The following SYNE2 variants were observed in gnomAD, a reference collection of about 807,000 sequenced individuals.
SYNE2 encodes spectrin repeat containing nuclear envelope protein 2, also known as nesprin-2.
Under a neutral mutation model 856.3 loss-of-function variants are expected in SYNE2, and 431 were observed. The observed-to-expected ratio is 0.50, with a 90% CI of 0.47 to 0.55. The LOEUF (loss-of-function observed/expected upper bound fraction) is 0.55, where lower values mean the gene tolerates loss of function less well. SYNE2 is among the 20% of genes least tolerant of loss of function. The pLI is 0.00. For missense variants in SYNE2, 8,129 were observed against 8,023.2 expected (o/e 1.01, Z -0.50); for synonymous variants, 2,923 against 2,872.3 (o/e 1.02, Z -0.56).
In SYNE2 at chr14:63,978,969, A is replaced by G. The variant is rs556718354; in HGVS notation, c.1524A>G (p.Lys508=). ...VKSKLDIWNI[K]YGSRESVELL... ...CAAAATTGGATATTTGGAACATTAAATATGGGAGCAGAGAATCTGTGGAAT... is the reference window on the plus strand; with the variant it reads ...CAAAATTGGATATTTGGAACATTAAGTATGGGAGCAGAGAATCTGTGGAAT... The change falls in exon 14 of 116, where the codon AAA becomes AAG. Residue 508 remains lysine, a synonymous_variant. Coordinates refer to ENST00000555002, the MANE Select transcript of SYNE2 (RefSeq NM_182914.3). The G allele has an allele frequency of 1.9e-6, 3 of 1,613,958 alleles. No homozygotes were observed. Among genetic ancestry groups the G allele is most frequent in the South Asian group, 2.2e-5 (2 of 91,082 alleles).
At chr14:64,138,951 GTGTGTGTGTGT>G (rs2098119069) in intron 79 of SYNE2, among the ~76,000 whole-genome samples, 2 of 106,546 alleles carry the variant, frequency 1.9e-5, no homozygotes, top group Admixed American at 1.0e-4. Flanking sequence ...TGTATGGTGT[GTGTGTGTGTGT>G]GTGTGTGTGT....
chr14:64,207,019 C>A (rs2098608543), intron 100 of SYNE2, among the ~76,000 whole-genome samples: 1 of 152,168 alleles, frequency 6.6e-6, no homozygotes. Flanking sequence ...TCCAGGGAGA[C>A]TCCCACCATT....
At chr14:64,189,252 T>C (rs1445888935) in intron 98 of SYNE2, among the ~76,000 whole-genome samples, 1 of 151,934 alleles carries the variant, frequency 6.6e-6, no homozygotes, top group Admixed American at 6.6e-5. Flanking sequence ...GAGGATTGCT[T>C]GAACCTGGGA....
chr14:63,984,588 G>C (rs2096611032), intron 18 of SYNE2, among the ~76,000 whole-genome samples: 1 of 152,152 alleles, frequency 6.6e-6, no homozygotes, highest in Admixed American at 6.5e-5. Context: ...GGGTAATTTG[G>C]AGGATGACTT....
At chr14:64,169,071 C>A in intron 93 of SYNE2, 100 bp downstream of exon 93, 1 of 887,258 alleles carries the variant, frequency 1.1e-6, no homozygotes, top group Non-Finnish European at 1.9e-6. Context: ...ATGTTGGTGC[C>A]CTGTGCCCTG....
chr14:64,054,676 C>T (rs2097255045), intron 48 of SYNE2, among the ~76,000 whole-genome samples: 1 of 152,116 alleles, frequency 6.6e-6, no homozygotes, highest in South Asian at 2.1e-4. Context: ...TGATTATTTC[C>T]TCACCTCTGT....
intron 53 of SYNE2, chr14:64,075,731 A>G (rs878920889): frequency 1.9e-6 from 1 of 538,940 alleles, no homozygotes; most frequent in Non-Finnish European, 3.3e-6. Context: ...GACACTATGA[A>G]GAGATATCAA....
At chr14:64,074,880 C>CAAA (rs34470891) in intron 53 of SYNE2, among the ~76,000 whole-genome samples, 3 of 147,808 alleles carry the variant, frequency 2.0e-5, no homozygotes, top group Non-Finnish European at 3.0e-5. Context: ...GGCTCCATCT[C>CAAA]AAAAAAAAAA....
chr14:63,869,100 G>A (rs966303616), intron 1 of SYNE2, among the ~76,000 whole-genome samples: 1 of 152,152 alleles, frequency 6.6e-6, no homozygotes, highest in Non-Finnish European at 1.5e-5. Context: ...CACTCTTCAG[G>A]TAACAAGGAG....
chr14:64,061,854 C>T (rs1314386421), intron 49 of SYNE2, among the ~76,000 whole-genome samples: 1 of 152,196 alleles, frequency 6.6e-6, no homozygotes, highest in East Asian at 1.9e-4. Flanking sequence ...CCCCACCTTT[C>T]AGTAGGAATC....
At chr14:64,014,968 T>TAC (rs1316201639) in intron 32 of SYNE2, among the ~76,000 whole-genome samples, 4 of 67,506 alleles carry the variant, frequency 5.9e-5, no homozygotes, top group African/African-American at 1.8e-4. Context: ...TATATATATA[T>TAC]ATATATACAC....
Position 64,225,019 on chromosome 14 carries a change from A to C in SYNE2, c.20490A>C (p.Thr6830=), listed in dbSNP as rs769036088. ...PRAKFRAVRT[T]EGEEETESRV... Reference sequence around the variant, plus strand: ...AGCAGTTCAGAGCAGTGAGAACTACAGAAGGCGAGGAGGAGACAGAGAGCA... The same window carrying C: ...AGCAGTTCAGAGCAGTGAGAACTACCGAAGGCGAGGAGGAGACAGAGAGCA... The change falls in exon 115 of 116, where the codon ACA becomes ACC. Residue 6830 remains threonine, a synonymous_variant. Transcript: ENST00000555002. The C allele has an allele frequency of 5.6e-6, 9 of 1,614,092 alleles. No individual in the cohort carries two copies. Among genetic ancestry groups the C allele is most frequent in the Non-Finnish European group, 7.6e-6 (9 of 1,179,992 alleles).
chr14:63,764,809 G>A (rs1321157885), intron 1 of SYNE2, among the ~76,000 whole-genome samples: 1 of 152,022 alleles, frequency 6.6e-6, no homozygotes, highest in African/African-American at 2.4e-5. Flanking sequence ...TTAGCTGGGC[G>A]TGGTGGCGCA....
At chr14:64,135,554 G>GT (rs1382861953) in intron 78 of SYNE2, among the ~76,000 whole-genome samples, 1 of 152,068 alleles carries the variant, frequency 6.6e-6, no homozygotes, top group Non-Finnish European at 1.5e-5. Flanking sequence ...GATACAGAAG[G>GT]TATCATCTAA....
At chr14:63,830,854 T>TG (rs2139894661) in intron 1 of SYNE2, among the ~76,000 whole-genome samples, 1 of 147,226 alleles carries the variant, frequency 6.8e-6, no homozygotes, top group African/African-American at 2.5e-5. Flanking sequence ...TTTTTTTTTT[T>TG]TTTTTTGTGA....
At chr14:64,141,099 G>T (rs930005511) in intron 80 of SYNE2, among the ~76,000 whole-genome samples, 11 of 151,964 alleles carry the variant, frequency 7.2e-5, no homozygotes, top group African/African-American at 2.7e-4. Flanking sequence ...TTTAAATAAT[G>T]ACTTATTTTT....
intron 19 of SYNE2, among the ~76,000 whole-genome samples, chr14:63,989,724 C>G (rs1296203894): frequency 2.6e-5 from 4 of 152,204 alleles, no homozygotes; most frequent in African/African-American, 9.7e-5. Context: ...AGTCTTGGCT[C>G]ACTGCAACCT....
At position 64,126,466 on chromosome 14, in the gene SYNE2, A is replaced by G; in HGVS notation, c.13694A>G (p.Gln4565Arg). 6.2e-7 allele frequency: 1 copy of G among 1,614,182 alleles called. No homozygotes were observed. Among genetic ancestry groups the G allele is most frequent in the Non-Finnish European group, 8.5e-7 (1 of 1,180,020 alleles). Residue 4565 changes from glutamine to arginine, a missense_variant, in exon 72 of 116, where the codon CAG (glutamine) becomes CGG (arginine). Physicochemically the swap from Gln to Arg is conservative, Grantham distance 43. Around this residue, in one of 3 missense-constraint regions of SYNE2, gnomAD observed 5,410 missense variants for 5,284.8 expected, o/e 1.02. Transcript: ENST00000555002. ...RLYREDGSGQ[Q>R]VHYETLALEL... The stretch of plus-strand genomic sequence containing the variant: ...TACAGGGAGGATGGTTCTGGCCAGC[A>G]GGTGCACTACGAGGTAGGGCACTTC...
At chr14:63,803,636 G>A (rs528634275) in intron 1 of SYNE2, among the ~76,000 whole-genome samples, 7 of 152,302 alleles carry the variant, frequency 4.6e-5, no homozygotes, top group South Asian at 2.1e-4. Context: ...GTTCCTGCTC[G>A]CGCCTCTCCC....
Sources: allele counts gnomAD v4.1 joint callset (sites outside exome capture counted in the v4.1 genomes callset), GRCh38; gene constraint gnomAD v4.1.1; regional missense constraint gnomAD v4.1.1; transcripts MANE v1.5; gene names NCBI Gene and HGNC (gene_info 2026-07-23, HGNC 2026-07-21).